ABTB2: variants seen among roughly 807,000 people sequenced by gnomAD.
ABTB2 encodes the protein ankyrin repeat and BTB domain containing 2, also known as ankyrin repeat and BTB/POZ domain-containing protein 2.
In ABTB2, 56 loss-of-function variants were observed where a neutral mutation model predicts 104.1. The ratio of observed to expected loss-of-function variants is 0.54; its 90% CI spans 0.43 to 0.67. The LOEUF is 0.67. ABTB2 is among the 30% of genes least tolerant of loss of function. The probability of loss-of-function intolerance (pLI) is 0.00; values close to 1 mark genes in which losing one functional copy is unlikely to be tolerated. For synonymous variants in ABTB2, 606 were observed against 608.2 expected (o/e 1.00, Z 0.05); for missense variants, 1,279 against 1,407.7 (o/e 0.91, Z 1.46).
chr11:34,202,533 A>G (rs1367905149), intron 2 of ABTB2, among the ~76,000 whole-genome samples: 2 of 152,158 alleles, frequency 1.3e-5, no homozygotes, highest in Admixed American at 6.5e-5. Flanking sequence ...ACACAACCCA[A>G]TTTAAGCTTT....
At chr11:34,293,233 C>CAGGG (rs1466990330) in intron 1 of ABTB2, among the ~76,000 whole-genome samples, 1 of 151,870 alleles carries the variant, frequency 6.6e-6, no homozygotes, top group African/African-American at 2.4e-5. Context: ...AGGGGGGGCC[C>CAGGG]AGGGAGAGAA....
chr11:34,198,460 A>C (rs4756114), intron 2 of ABTB2, among the ~76,000 whole-genome samples: 39,231 of 151,276 alleles, frequency 0.26, 5,996 homozygotes, highest in East Asian at 0.58. Flanking sequence ...ACAACAAAAA[A>C]AAACAAAAAC....
At chr11:34,335,143 G>C (rs1855178280) in intron 1 of ABTB2, 2 of 1,224,572 alleles carry the variant, frequency 1.6e-6, no homozygotes, top group Non-Finnish European at 2.4e-6. Flanking sequence ...TTCATAATAT[G>C]GCTGTCTGGT....
At chr11:34,279,327 C>T (rs566119142) in intron 1 of ABTB2, among the ~76,000 whole-genome samples, 1 of 152,288 alleles carries the variant, frequency 6.6e-6, no homozygotes, top group South Asian at 2.1e-4. Flanking sequence ...GTCTTGAACC[C>T]CTGGCTCAAG....
intron 4 of ABTB2, among the ~76,000 whole-genome samples, chr11:34,172,243 G>A (rs561010074): frequency 2.0e-5 from 3 of 151,158 alleles, no homozygotes; most frequent in Admixed American, 6.6e-5. Flanking sequence ...GTGGTGGTGC[G>A]TGCCTGTAAT....
At chr11:34,250,527 A>C (rs1381677694) in intron 1 of ABTB2, among the ~76,000 whole-genome samples, 1 of 152,238 alleles carries the variant, frequency 6.6e-6, no homozygotes. Flanking sequence ...GGTTGTGGCC[A>C]ACTGCAACAA....
At chr11:34,210,100 G>A (rs1212959453) in intron 1 of ABTB2, among the ~76,000 whole-genome samples, 2 of 152,112 alleles carry the variant, frequency 1.3e-5, no homozygotes, top group Admixed American at 6.5e-5. Flanking sequence ...CCAAGCTGAC[G>A]GAAGCTGGTG....
chr11:34,201,171 T>G (rs12270353), intron 2 of ABTB2, among the ~76,000 whole-genome samples: 2,183 of 152,222 alleles, frequency 0.014, 47 homozygotes, highest in African/African-American at 0.051. Context: ...TGGCAGGGAC[T>G]CAGAGCTTCT....
chr11:34,308,339 G>C (rs978511049), intron 1 of ABTB2, among the ~76,000 whole-genome samples: 5 of 152,222 alleles, frequency 3.3e-5, no homozygotes, highest in African/African-American at 1.2e-4. Flanking sequence ...TCAGGCCACA[G>C]CTTGTTTAAA....
intron 1 of ABTB2, among the ~76,000 whole-genome samples, chr11:34,325,226 T>G (rs933550744): frequency 8.5e-5 from 13 of 152,090 alleles, no homozygotes; most frequent in African/African-American, 3.1e-4. Context: ...ATAACTAGTT[T>G]GGGAAAAAAG....
In ABTB2 at chr11:34,164,810, G is replaced by C; in HGVS notation, c.1864C>G (p.Leu622Val). 1 of 1,587,940 alleles carries C rather than the reference G, an allele frequency of 6.3e-7. No individual in the cohort carries two copies. Among genetic ancestry groups the C allele is most frequent in the Middle Eastern group, 1.7e-4 (1 of 5,984 alleles). Reference protein sequence around the residue: ...QLASAAGNYELVSLLLSRGAD... With the variant: ...QLASAAGNYEVVSLLLSRGAD... ...CCTCGGCTCAGCAACAAACTGACCAGCTCATAGTTCCCTGAAAGAGAAGGT... is the reference window on the plus strand; with the variant it reads ...CCTCGGCTCAGCAACAAACTGACCACCTCATAGTTCCCTGAAAGAGAAGGT... The change falls in exon 9 of 17, where the codon CTG becomes GTG. Residue 622 changes from leucine (L) to valine (V), a missense_variant. Coordinates refer to ENST00000435224, the MANE Select transcript of ABTB2 (RefSeq NM_145804.3).
At chr11:34,228,698 C>A (rs999989399) in intron 1 of ABTB2, among the ~76,000 whole-genome samples, 5 of 152,116 alleles carry the variant, frequency 3.3e-5, no homozygotes, top group Admixed American at 3.3e-4. Context: ...TTTTGAGGAA[C>A]CACCATGCTT....
At chr11:34,248,729 T>G (rs1854017029) in intron 1 of ABTB2, among the ~76,000 whole-genome samples, 1 of 152,220 alleles carries the variant, frequency 6.6e-6, no homozygotes, top group Non-Finnish European at 1.5e-5. Flanking sequence ...ACATACAACT[T>G]TTCAAAGCAG....
intron 3 of ABTB2, among the ~76,000 whole-genome samples, chr11:34,180,219 C>T (rs142323038): frequency 6.6e-6 from 1 of 152,312 alleles, no homozygotes; most frequent in East Asian, 1.9e-4. Context: ...CATCCCAGCT[C>T]ATAAAACAGA....
intron 1 of ABTB2, among the ~76,000 whole-genome samples, chr11:34,247,625 G>A (rs947105986): frequency 6.6e-6 from 1 of 152,182 alleles, no homozygotes; most frequent in Non-Finnish European, 1.5e-5. Context: ...CCCATCTTAA[G>A]TCAAGGAGCA....
intron 1 of ABTB2, among the ~76,000 whole-genome samples, chr11:34,323,462 T>C (rs1855029620): frequency 6.6e-6 from 1 of 152,230 alleles, no homozygotes; most frequent in African/African-American, 2.4e-5. Context: ...GCCTGCCTTC[T>C]GTAAGTTCAC....
intron 1 of ABTB2, among the ~76,000 whole-genome samples, chr11:34,231,130 A>T (rs1470599241): frequency 6.6e-6 from 1 of 152,242 alleles, no homozygotes; most frequent in African/African-American, 2.4e-5. Flanking sequence ...TTGTGGTACC[A>T]GAAAGTAAGA....
intron 1 of ABTB2, among the ~76,000 whole-genome samples, chr11:34,209,125 C>G (rs533002476): frequency 2.4e-4 from 37 of 152,248 alleles, no homozygotes; most frequent in Non-Finnish European, 5.0e-4. Context: ...ACGGGTGAAT[C>G]ACTTGAGGCC....
intron 3 of ABTB2, among the ~76,000 whole-genome samples, chr11:34,175,708 G>A (rs1852952183): frequency 6.6e-6 from 1 of 152,182 alleles, no homozygotes. Flanking sequence ...ATACCAATCT[G>A]TATGAAGGGG....
Sources: allele counts gnomAD v4.1 joint callset (sites outside exome capture counted in the v4.1 genomes callset), GRCh38; gene constraint gnomAD v4.1.1; transcripts MANE v1.5; gene names NCBI Gene and HGNC (gene_info 2026-07-23, HGNC 2026-07-21).